INPP4B: variants seen among roughly 807,000 people sequenced by gnomAD.
The protein encoded by INPP4B is inositol polyphosphate 4-phosphatase type II.
INPP4B carries 55 observed loss-of-function variants against 122.5 expected under a neutral mutation model. That is an observed-to-expected ratio of 0.45 (90% CI 0.36 to 0.56). INPP4B has a LOEUF of 0.56. Ranked by LOEUF, INPP4B falls within the 20% of genes least tolerant of loss-of-function variation. The probability of loss-of-function intolerance (pLI) is 0.00; values close to 1 mark genes in which losing one functional copy is unlikely to be tolerated. For synonymous variants in INPP4B, 403 were observed against 388.7 expected, an observed-to-expected ratio of 1.04 and a Z score of -0.43; for missense variants, 1,000 against 1,097.7, an observed-to-expected ratio of 0.91 and a Z score of 1.26.
At position 142,322,287 on chromosome 4, in the gene INPP4B, A is replaced by AG. The variant is rs112529749; in HGVS notation, c.373-7526_373-7525insC. Among the ~76,000 whole-genome samples the AG allele has an allele frequency of 3.7e-3, 559 of 152,326 alleles. 1 individual carries two copies. The highest frequency in any genetic ancestry group is 0.013 in the African/African-American group (531 of 41,566). On this transcript the variant is annotated intron_variant, in intron 7 of 25. Coordinates refer to ENST00000262992, the MANE Select transcript of INPP4B (RefSeq NM_001101669.3). ...GCAAGGAATCTCTCAGTTAATCTAA[A>AG]AAAAAAACTAGGCAATATGAAAATT...
At chr4:142,361,765 G>A (rs1056796882) in intron 7 of INPP4B, among the ~76,000 whole-genome samples, 4 of 151,742 alleles carry the variant, frequency 2.6e-5, no homozygotes, top group Non-Finnish European at 5.9e-5. Flanking sequence ...TTATTTATAG[G>A]TGGATATTGT....
chr4:142,617,069 C>G lies in INPP4B; in HGVS notation c.-191+108770G>C, dbSNP rs1743865280. On this transcript the variant is annotated intron_variant, in intron 2 of 25. Coordinates refer to ENST00000262992, the MANE Select transcript of INPP4B (RefSeq NM_001101669.3). Reference sequence around the variant, plus strand: ...AATCTATCCTTGTAAGAAAACTATACTTTTACCTCTAAGATCTAAAAAAAT... The same window carrying G: ...AATCTATCCTTGTAAGAAAACTATAGTTTTACCTCTAAGATCTAAAAAAAT... Among the ~76,000 whole-genome samples the G allele has an allele frequency of 2.6e-5, 4 of 152,024 alleles. No homozygotes were observed. In the South Asian group the frequency reaches 8.3e-4, roughly 31 times the overall value.
intron 2 of INPP4B, among the ~76,000 whole-genome samples, chr4:142,637,904 G>A (rs947556005): frequency 2.0e-5 from 3 of 152,194 alleles, no homozygotes; most frequent in Non-Finnish European, 4.4e-5. Flanking sequence ...AAGGTGTGTA[G>A]TGGTATCTCA....
chr4:142,660,488 T>A (rs1284735073), intron 2 of INPP4B, among the ~76,000 whole-genome samples: 1 of 152,064 alleles, frequency 6.6e-6, no homozygotes, highest in Admixed American at 6.6e-5. Flanking sequence ...TCACTGATAT[T>A]TAATTGTGTC....
intron 16 of INPP4B, among the ~76,000 whole-genome samples, chr4:142,168,309 GA>G (rs2152931644): frequency 6.6e-6 from 1 of 151,330 alleles, no homozygotes; most frequent in African/African-American, 2.4e-5. Context: ...TATATTCCTT[GA>G]TTTTTCTTCT....
intron 7 of INPP4B, among the ~76,000 whole-genome samples, chr4:142,374,629 A>G (rs1163106112): frequency 6.6e-6 from 1 of 151,830 alleles, no homozygotes; most frequent in Non-Finnish European, 1.5e-5. Context: ...TCATCTTTTT[A>G]TTGATATTGT....
intron 11 of INPP4B, among the ~76,000 whole-genome samples, chr4:142,254,064 C>G (rs546675832): frequency 6.6e-4 from 100 of 152,256 alleles, no homozygotes; most frequent in African/African-American, 2.3e-3. Flanking sequence ...CCCGAGCAGC[C>G]TAACTGGGAG....
chr4:142,844,951 G>A (rs1322317645), intron 1 of INPP4B, among the ~76,000 whole-genome samples: 2 of 152,180 alleles, frequency 1.3e-5, no homozygotes, highest in African/African-American at 2.4e-5. Context: ...AACAAGTTCT[G>A]TCTGTCATAC....
chr4:142,109,126 T>A (rs764457206), intron 22 of INPP4B, among the ~76,000 whole-genome samples: 1 of 136,606 alleles, frequency 7.3e-6, no homozygotes, highest in Non-Finnish European at 1.6e-5. Flanking sequence ...TTTTCCTATC[T>A]CTGGTAACCC....
chr4:142,572,258 C>T (rs530112659), intron 2 of INPP4B, among the ~76,000 whole-genome samples: 17 of 152,234 alleles, frequency 1.1e-4, no homozygotes, highest in Non-Finnish European at 1.3e-4. Context: ...CCTCAAGTTT[C>T]CTGAGAAGTG....
chr4:142,215,211 A>C (rs531202174), intron 12 of INPP4B, among the ~76,000 whole-genome samples: 2 of 152,294 alleles, frequency 1.3e-5, no homozygotes, highest in Admixed American at 1.3e-4. Flanking sequence ...AGTCACTAGA[A>C]TACCATAAAG....
At chr4:142,385,088 T>C (rs969610570) in intron 7 of INPP4B, among the ~76,000 whole-genome samples, 1 of 152,194 alleles carries the variant, frequency 6.6e-6, no homozygotes, top group Non-Finnish European at 1.5e-5. Context: ...CATGCATCCT[T>C]ATGATAGAAC....
intron 2 of INPP4B, among the ~76,000 whole-genome samples, chr4:142,610,429 T>C (rs1742225213): frequency 6.6e-6 from 1 of 152,190 alleles, no homozygotes; most frequent in Admixed American, 6.5e-5. Context: ...CTGAGGGTAG[T>C]GACTACTGCA....
chr4:142,746,497 T>G lies in INPP4B; in HGVS notation c.-253-20596A>C, dbSNP rs149177322. On this transcript the variant is annotated intron_variant, in intron 1 of 25. Coordinates refer to ENST00000262992, the MANE Select transcript of INPP4B (RefSeq NM_001101669.3). ...TATTCCCATCAAGCTACCAATGACT[T>G]TCTTCACAGAATGAGAAAAAAATAC... is the stretch of plus-strand genomic sequence containing the variant. Among the ~76,000 whole-genome samples, 1,432 of 152,288 alleles carry G rather than the reference T, an allele frequency of 9.4e-3. 19 individuals are homozygous for G. Among genetic ancestry groups the G allele is most frequent in the African/African-American group, 0.032 (1,339 of 41,558 alleles).
chr4:142,632,888 CAG>C (rs1333956499), intron 2 of INPP4B, among the ~76,000 whole-genome samples: 1 of 148,384 alleles, frequency 6.7e-6, no homozygotes, highest in Non-Finnish European at 1.5e-5. Flanking sequence ...TAAGGAAAGA[CAG>C]AAGGATCACA....
chr4:142,722,741 T>C (rs563891036), intron 2 of INPP4B, among the ~76,000 whole-genome samples: 1 of 152,288 alleles, frequency 6.6e-6, no homozygotes, highest in East Asian at 1.9e-4. Flanking sequence ...TATGAATATG[T>C]TTTTGTAAAG....
chr4:142,753,786 C>A (rs1770092120), intron 1 of INPP4B, among the ~76,000 whole-genome samples: 1 of 151,946 alleles, frequency 6.6e-6, no homozygotes, highest in African/African-American at 2.4e-5. Flanking sequence ...ATGACTATGA[C>A]AAAGAAAATA....
At chr4:142,609,388 G>A (rs1042407562) in intron 2 of INPP4B, among the ~76,000 whole-genome samples, 2 of 151,842 alleles carry the variant, frequency 1.3e-5, no homozygotes, top group African/African-American at 4.8e-5. Context: ...TTTTAAGTAT[G>A]TGATTCTGTG....
chr4:142,218,765 T>C (rs1017640376), intron 12 of INPP4B, among the ~76,000 whole-genome samples: 1 of 152,172 alleles, frequency 6.6e-6, no homozygotes, highest in African/African-American at 2.4e-5. Context: ...GATGCTTTCA[T>C]TCATTAAACA....
Sources: allele counts gnomAD v4.1 joint callset (sites outside exome capture counted in the v4.1 genomes callset), GRCh38; gene constraint gnomAD v4.1.1; transcripts MANE v1.5; gene names NCBI Gene and HGNC (gene_info 2026-07-23, HGNC 2026-07-21).